Variants in GNG2 observed in about 807,000 individuals in gnomAD.
The protein encoded by GNG2 is guanine nucleotide-binding protein G(I)/G(S)/G(O) subunit gamma-2.
Under a neutral mutation model 5.5 loss-of-function variants are expected in GNG2, and 5 were observed. The ratio of observed to expected loss-of-function variants is 0.91; its 90% CI spans 0.48 to 1.92. GNG2 has a LOEUF of 1.92. Ranked by LOEUF, GNG2 falls within the 30% of genes most tolerant of loss-of-function variation. GNG2 has a pLI of 0.01. For synonymous variants in GNG2, 28 were observed against 32.0 expected (o/e 0.88, Z 0.42); for missense variants, 55 against 88.4 (o/e 0.62, Z 1.52).
chr14:51,837,880 T>C (rs1881376515), intron 2 of GNG2, among the ~76,000 whole-genome samples: 1 of 152,142 alleles, frequency 6.6e-6, no homozygotes, highest in African/African-American at 2.4e-5. Context: ...ACCAAGATAT[T>C]TTTATCCCTC....
At chr14:51,866,244 A>T (rs1331473246) in intron 1 of GNG2, among the ~76,000 whole-genome samples, 2 of 152,196 alleles carry the variant, frequency 1.3e-5, no homozygotes, top group Non-Finnish European at 2.9e-5. Context: ...GAGGGGCTGA[A>T]AACTGGGCTG....
At chr14:51,890,716 A>G (rs1884789173) in intron 2 of GNG2, among the ~76,000 whole-genome samples, 1 of 152,194 alleles carries the variant, frequency 6.6e-6, no homozygotes, top group South Asian at 2.1e-4. Flanking sequence ...CTACAACACA[A>G]AGTATACCTG....
chr14:51,883,498 A>T (rs1254293690), intron 2 of GNG2, among the ~76,000 whole-genome samples: 1 of 152,242 alleles, frequency 6.6e-6, no homozygotes. Context: ...TTAATAAGGA[A>T]GTCAGCTTAT....
intron 2 of GNG2, among the ~76,000 whole-genome samples, chr14:51,927,814 T>C (rs1187979482): frequency 2.0e-5 from 3 of 152,208 alleles, no homozygotes; most frequent in Non-Finnish European, 4.4e-5. Context: ...TGCTCTGTTA[T>C]GTAAAGGAAG....
At chr14:51,938,670 C>T (rs1888147629) in intron 2 of GNG2, among the ~76,000 whole-genome samples, 1 of 152,192 alleles carries the variant, frequency 6.6e-6, no homozygotes, top group Non-Finnish European at 1.5e-5. Context: ...GAAATATCCC[C>T]AGATAACACA....
intron 2 of GNG2, among the ~76,000 whole-genome samples, chr14:51,831,362 C>G (rs565581623): frequency 6.6e-5 from 10 of 152,178 alleles, no homozygotes; most frequent in Non-Finnish European, 1.0e-4. Context: ...GGAATTATTG[C>G]CTGTATAGAT....
intron 2 of GNG2, among the ~76,000 whole-genome samples, chr14:51,829,145 ATCC>A (rs949072848): frequency 5.3e-5 from 8 of 152,176 alleles, no homozygotes; most frequent in African/African-American, 1.9e-4. Context: ...AAATAGCTGC[ATCC>A]TCCTATCCAC....
intron 2 of GNG2, among the ~76,000 whole-genome samples, chr14:51,896,000 T>C (rs1885168824): frequency 6.6e-6 from 1 of 152,226 alleles, no homozygotes; most frequent in African/African-American, 2.4e-5. Flanking sequence ...TTAAACCTCT[T>C]TCTCTTGTAA....
chr14:51,830,674 C>T (rs935015780), intron 2 of GNG2, among the ~76,000 whole-genome samples: 3 of 152,214 alleles, frequency 2.0e-5, no homozygotes, highest in Non-Finnish European at 4.4e-5. Context: ...TATTCAGCCG[C>T]TAACCACTTC....
At chr14:51,869,940 G>A (rs1014300393) in intron 1 of GNG2, among the ~76,000 whole-genome samples, 1 of 152,128 alleles carries the variant, frequency 6.6e-6, no homozygotes. Context: ...GTTTCCTCCC[G>A]AGGCCATGGA....
At chr14:51,827,294 G>A (rs1382222969) in intron 1 of GNG2, among the ~76,000 whole-genome samples, 2 of 152,174 alleles carry the variant, frequency 1.3e-5, no homozygotes, top group East Asian at 3.9e-4. Flanking sequence ...AGTGCTTCTC[G>A]AAGTGTAGTC....
At chr14:51,949,120 CAAAA>C (rs1179223330) in intron 2 of GNG2, among the ~76,000 whole-genome samples, 2 of 77,022 alleles carry the variant, frequency 2.6e-5, no homozygotes, top group Non-Finnish European at 5.9e-5. Flanking sequence ...GACTCCGTCT[CAAAA>C]AAAAAAAAAA....
At position 51,968,033 on chromosome 14, in the gene GNG2, T is replaced by C. The variant is rs1890022931; in HGVS notation, c.*1346T>C. On this transcript the variant is annotated 3_prime_UTR_variant, in exon 4 of 4. Coordinates refer to ENST00000556766, the MANE Select transcript of GNG2 (RefSeq NM_053064.5). ...CTGGCTCTTTTGTCCACTGAGATGG[T>C]CTTGGTTTTTCACTTAACAAATTTT... 2 of 152,174 alleles carry C rather than the reference T, an allele frequency of 1.3e-5. No homozygotes were observed. Among genetic ancestry groups the C allele is most frequent in the Non-Finnish European group, 2.9e-5 (2 of 68,028 alleles). The allele number at this position is 152,174 out of a possible 1,614,324, so 9.4% of individuals were successfully genotyped here.
chr14:51,910,267 A>G (rs2140200077), intron 2 of GNG2, among the ~76,000 whole-genome samples: 1 of 152,342 alleles, frequency 6.6e-6, no homozygotes, highest in East Asian at 1.9e-4. Flanking sequence ...TGACAGGCAG[A>G]AAACAAATGA....
chr14:51,909,248 T>A (rs1886145072), intron 2 of GNG2, among the ~76,000 whole-genome samples: 1 of 152,230 alleles, frequency 6.6e-6, no homozygotes, highest in African/African-American at 2.4e-5. Context: ...TTCCTTCAGC[T>A]TTTAATAAAA....
chr14:51,918,499 A>T (rs1034009687), intron 2 of GNG2: 8 of 152,250 alleles, frequency 5.3e-5, no homozygotes, highest in Admixed American at 4.6e-4. Context: ...TTCTAAAAAT[A>T]AAAGAACAGT....
At chr14:51,904,498 ATGT>A (rs1885779816) in intron 2 of GNG2, among the ~76,000 whole-genome samples, 1 of 152,090 alleles carries the variant, frequency 6.6e-6, no homozygotes, top group Non-Finnish European at 1.5e-5. Flanking sequence ...CCATACGGAG[ATGT>A]TGTTGGGATG....
At chr14:51,934,402 G>A (rs1887847002) in intron 2 of GNG2, among the ~76,000 whole-genome samples, 1 of 152,078 alleles carries the variant, frequency 6.6e-6, no homozygotes, top group African/African-American at 2.4e-5. Flanking sequence ...TTGGAATATG[G>A]GCTGAAACTT....
At chr14:51,847,991 G>T (rs1338723406) in intron 2 of GNG2, among the ~76,000 whole-genome samples, 1 of 133,020 alleles carries the variant, frequency 7.5e-6, no homozygotes, top group Non-Finnish European at 1.5e-5. Context: ...AAATTGAGAT[G>T]AACAAATTCT....
Sources: allele counts gnomAD v4.1 joint callset (sites outside exome capture counted in the v4.1 genomes callset), GRCh38; gene constraint gnomAD v4.1.1; transcripts MANE v1.5; gene names NCBI Gene and HGNC (gene_info 2026-07-23, HGNC 2026-07-21).